The following ADAMTS20 variants were observed in gnomAD, a reference collection of about 807,000 sequenced individuals.
The protein encoded by ADAMTS20 is A disintegrin and metalloproteinase with thrombospondin motifs 20.
In ADAMTS20, 225 loss-of-function variants were observed where a neutral mutation model predicts 260.1. That is an observed-to-expected ratio of 0.87 (90% CI 0.78 to 0.97). The LOEUF (loss-of-function observed/expected upper bound fraction) is 0.97. Ranked by LOEUF, ADAMTS20 falls within the 50% of genes least tolerant of loss-of-function variation. The probability of loss-of-function intolerance (pLI) is 0.00; values close to 1 mark genes in which losing one functional copy is unlikely to be tolerated. For synonymous variants in ADAMTS20, 802 were observed against 769.5 expected, an observed-to-expected ratio of 1.04 and a Z score of -0.70; for missense variants, 2,400 against 2,337.7, an observed-to-expected ratio of 1.03 and a Z score of -0.55.
chr12:43,474,170 C>A (rs1942312201), intron 7 of ADAMTS20, among the ~76,000 whole-genome samples: 1 of 146,272 alleles, frequency 6.8e-6, no homozygotes, highest in Non-Finnish European at 1.5e-5. Context: ...ACCACTGATC[C>A]CACAGAAATA....
At chr12:43,537,050 T>C (rs1043875608) in intron 2 of ADAMTS20, among the ~76,000 whole-genome samples, 1 of 149,904 alleles carries the variant, frequency 6.7e-6, no homozygotes, top group Admixed American at 6.6e-5. Flanking sequence ...ATAAAAAGCA[T>C]ATTTTATTTT....
chr12:43,485,823 G>C (rs1381593790), intron 7 of ADAMTS20, among the ~76,000 whole-genome samples: 1 of 151,960 alleles, frequency 6.6e-6, no homozygotes, highest in Non-Finnish European at 1.5e-5. Context: ...TTTTACAACA[G>C]CTGCAAAAAA....
rs1182845675 is a variant in ADAMTS20, at chr12:43,475,998, T to G, written c.1118-7293A>C. On this transcript the variant is annotated intron_variant, in intron 7 of 38. Coordinates refer to ENST00000389420, the MANE Select transcript of ADAMTS20 (RefSeq NM_025003.5). ...CAAAAGCCAAAATTGACAAATGGGA[T>G]CTAAATAAACTAAAGAGCTTCTGCA... Among the ~76,000 whole-genome samples, 3 of 138,840 alleles carry G rather than the reference T, an allele frequency of 2.2e-5. No individual in the cohort carries two copies. In the Admixed American group the frequency reaches 2.3e-4, roughly 10 times the overall value. 91.1% of individuals were successfully genotyped at this position (138,840 alleles called of 152,430 possible).
intron 36 of ADAMTS20, among the ~76,000 whole-genome samples, chr12:43,373,978 C>T (rs905178697): frequency 3.3e-5 from 5 of 150,930 alleles, no homozygotes; most frequent in South Asian, 2.1e-4. Context: ...CGCGCCCGGC[C>T]GAAATATCAT....
intron 7 of ADAMTS20, among the ~76,000 whole-genome samples, chr12:43,483,702 G>T (rs574257886): frequency 6.6e-6 from 1 of 152,164 alleles, no homozygotes; most frequent in African/African-American, 2.4e-5. Flanking sequence ...TGGAAGGAGA[G>T]TCACGGTGGC....
intron 3 of ADAMTS20, among the ~76,000 whole-genome samples, chr12:43,524,123 C>T (rs1251146429): frequency 6.6e-5 from 2 of 30,188 alleles, no homozygotes; most frequent in African/African-American, 2.4e-4. Context: ...ATGACTGCAG[C>T]AATCACAATA....
chr12:43,539,365 C>A (rs922307219), intron 2 of ADAMTS20, among the ~76,000 whole-genome samples: 1 of 152,252 alleles, frequency 6.6e-6, no homozygotes, highest in East Asian at 1.9e-4. Context: ...ATATAGTGTG[C>A]TAATGTGTTA....
At chr12:43,546,137 C>G (rs1453955436) in intron 2 of ADAMTS20, among the ~76,000 whole-genome samples, 2 of 151,996 alleles carry the variant, frequency 1.3e-5, no homozygotes, top group African/African-American at 4.8e-5. Flanking sequence ...CCAGAATACA[C>G]AAAAAACAGT....
intron 3 of ADAMTS20, among the ~76,000 whole-genome samples, chr12:43,522,476 C>T (rs1331561205): frequency 6.6e-6 from 1 of 152,146 alleles, no homozygotes; most frequent in Non-Finnish European, 1.5e-5. Flanking sequence ...CTCTACAAAT[C>T]CTTTGCATCC....
intron 29 of ADAMTS20, among the ~76,000 whole-genome samples, chr12:43,388,511 T>C (rs1474367349): frequency 6.6e-6 from 1 of 152,222 alleles, no homozygotes; most frequent in African/African-American, 2.4e-5. Flanking sequence ...TATATTTCAA[T>C]GGATAGGAGT....
At position 43,432,407 on chromosome 12, in the gene ADAMTS20, C is replaced by T. The variant is rs372612643; in HGVS notation, c.2993G>A (p.Gly998Asp). The T allele has an allele frequency of 1.2e-6, 2 of 1,613,416 alleles. No homozygotes were observed. The highest frequency in any genetic ancestry group is 1.7e-5 in the Admixed American group (1 of 59,960). Reference protein sequence around the residue: ...SRESYCMNNFGHRLADNECQE... With the variant: ...SRESYCMNNFDHRLADNECQE... ...GCATTCATTGTCAGCAAGACGATGG[C>T]CAAAGTTATTCATACAATAAGATTC... Residue 998 changes from glycine (G) to aspartate (D), a missense_variant, in exon 21 of 39, where the codon GGC becomes GAC. Transcript: ENST00000389420.
At chr12:43,400,327 T>C (rs979445911) in intron 28 of ADAMTS20, among the ~76,000 whole-genome samples, 9 of 152,080 alleles carry the variant, frequency 5.9e-5, no homozygotes, top group Admixed American at 1.3e-4. Flanking sequence ...TGTGAACTCA[T>C]AGAATATTAG....
Position 43,452,397 on chromosome 12 carries a change from A to G in ADAMTS20, c.1956T>C (p.Asp652=), listed in dbSNP as rs755434834. 5.6e-6 allele frequency: 9 copies of G among 1,611,802 alleles called. No individual in the cohort carries two copies. The highest frequency in any genetic ancestry group is 7.6e-6 in the Non-Finnish European group (9 of 1,179,250). ...LPRYSGIGTK[D]RCKLYCQVAG... Reference sequence around the variant, plus strand: ...CAACCTGACAATAGAGTTTACAACGATCCTTTGTGCCAACTGTAAAAAAGA... The same window carrying G: ...CAACCTGACAATAGAGTTTACAACGGTCCTTTGTGCCAACTGTAAAAAAGA... The change falls in exon 14 of 39, where the codon GAT becomes GAC. Residue 652 remains aspartate, a synonymous_variant. Coordinates refer to ENST00000389420, the MANE Select transcript of ADAMTS20 (RefSeq NM_025003.5).
At chr12:43,493,305 C>G in intron 4 of ADAMTS20, 52 bp from the exon 5 acceptor site, 1 of 1,296,822 alleles carries the variant, frequency 7.7e-7, no homozygotes, top group South Asian at 1.3e-5. Flanking sequence ...TATTTCTTCT[C>G]AAAAGTAAGT....
In ADAMTS20 at chr12:43,501,055, C is replaced by T. The variant is rs2407623; in HGVS notation, c.867+1097G>A. 2.5e-3 allele frequency among the ~76,000 whole-genome samples: 260 copies of T among 104,782 alleles called. 1 individual carries two copies. Among genetic ancestry groups the T allele is most frequent in the East Asian group, 8.7e-3 (21 of 2,410 alleles). 68.7% of individuals were successfully genotyped at this position (104,782 alleles called of 152,430 possible). ...TCTATAAATAGGTGGCTATGTAATT[C>T]TTTTTTTTTTTTTTTTTTTTGAGTC... On this transcript the variant is annotated intron_variant, in intron 4 of 38. Coordinates refer to ENST00000389420, the MANE Select transcript of ADAMTS20 (RefSeq NM_025003.5).
chr12:43,486,517 G>C (rs1942525269), intron 7 of ADAMTS20, among the ~76,000 whole-genome samples: 1 of 151,862 alleles, frequency 6.6e-6, no homozygotes, highest in South Asian at 2.1e-4. Context: ...CATTGGCCTA[G>C]GCAAAGAATT....
intron 7 of ADAMTS20, among the ~76,000 whole-genome samples, chr12:43,474,389 C>T (rs1031721770): frequency 1.3e-5 from 2 of 150,668 alleles, no homozygotes; most frequent in Non-Finnish European, 1.5e-5. Flanking sequence ...GATGGATTCA[C>T]AGCCGAATTC....
Position 43,383,600 on chromosome 12 carries a change from G to A in ADAMTS20, c.4755C>T (p.Asn1585=). The A allele has an allele frequency of 6.2e-7, 1 of 1,613,562 alleles. No individual in the cohort carries two copies. Among genetic ancestry groups the A allele is most frequent in the African/African-American group, 1.3e-5 (1 of 74,990 alleles). The change falls in exon 31 of 39, where the codon AAC becomes AAT. Residue 1585 remains asparagine (N), a synonymous_variant. Coordinates refer to ENST00000389420, the MANE Select transcript of ADAMTS20 (RefSeq NM_025003.5). ...TISLTSKNCR[N]PPCNYIVVTA... ...TTACCACAATGTAATTGCAAGGAGGGTTCCTGCAATTCTTGGATGTAAGAG... is the reference window on the plus strand; with the variant it reads ...TTACCACAATGTAATTGCAAGGAGGATTCCTGCAATTCTTGGATGTAAGAG...
intron 28 of ADAMTS20, among the ~76,000 whole-genome samples, chr12:43,424,588 G>A (rs577899130): frequency 6.6e-6 from 1 of 152,096 alleles, no homozygotes; most frequent in African/African-American, 2.4e-5. Context: ...AAGTTTTAAA[G>A]AATACTATTT....
Sources: allele counts gnomAD v4.1 joint callset (sites outside exome capture counted in the v4.1 genomes callset), GRCh38; gene constraint gnomAD v4.1.1; transcripts MANE v1.5; gene names NCBI Gene and HGNC (gene_info 2026-07-23, HGNC 2026-07-21).